PDCL2: variants seen among roughly 807,000 people sequenced by gnomAD.
PDCL2 encodes the protein phosducin like 2, also known as phosducin-like protein 2.
PDCL2 carries 23 observed loss-of-function variants against 30.3 expected under a neutral mutation model. That is an observed-to-expected ratio of 0.76 (90% CI 0.55 to 1.08). The LOEUF (loss-of-function observed/expected upper bound fraction) is 1.08, where lower values mean the gene tolerates loss of function less well. PDCL2 is among the 50% of genes least tolerant of loss of function. The pLI is 0.00. For synonymous variants in PDCL2, 68 were observed against 86.2 expected (o/e 0.79, Z 1.17); for missense variants, 243 against 282.3 (o/e 0.86, Z 1.00).
Position 55,576,179 on chromosome 4 carries a change from C to A in PDCL2, c.218+4642G>T, listed in dbSNP as rs532629377. ...CGATCTTAGCTTACTGCAACCTCTG[C>A]CTCCCAGGTTCAAGCAATTCTCACA... On this transcript the variant is annotated intron_variant, in intron 3 of 5. Transcript: ENST00000295645. Among the ~76,000 whole-genome samples, 31 of 152,224 alleles carry A rather than the reference C, an allele frequency of 2.0e-4. 1 individual carries two copies. In the South Asian group the frequency reaches 2.1e-3, roughly 10 times the overall value.
At chr4:55,577,529 C>A (rs903238706) in intron 3 of PDCL2, among the ~76,000 whole-genome samples, 2 of 152,138 alleles carry the variant, frequency 1.3e-5, no homozygotes, top group African/African-American at 4.8e-5. Context: ...GGCAACCAGC[C>A]CTCATCCTAA....
rs1731977663 is a variant in PDCL2 at position 55,556,718 on chromosome 4, TA to T, written c.572-8del. ...GCTAGCTTCCATTCAAGTTCTGTAA[TA>T]AATAACCCATCATTCAGTTAAAAAT... On this transcript the variant is annotated splice_region_variant and splice_polypyrimidine_tract_variant and intron_variant, in intron 5 of 5. Transcript: ENST00000295645. 3 of 1,524,830 alleles carry T rather than the reference TA, an allele frequency of 2.0e-6. No homozygotes were observed. Among genetic ancestry groups the T allele is most frequent in the Non-Finnish European group, 2.6e-6 (3 of 1,136,962 alleles). The allele number at this position is 1,524,830 out of a possible 1,614,324, so 94.5% of individuals were successfully genotyped here. A position where few individuals can be genotyped will look rare whatever the true frequency, so the allele number is the denominator to read the frequency against.
At chr4:55,576,328 G>A (rs769340447) in intron 3 of PDCL2, among the ~76,000 whole-genome samples, 6 of 152,118 alleles carry the variant, frequency 3.9e-5, no homozygotes, top group Non-Finnish European at 8.8e-5. Flanking sequence ...CCTGAACTCA[G>A]GCGATTTGCC....
chr4:55,568,302 C>T (rs530727440), intron 4 of PDCL2, among the ~76,000 whole-genome samples: 3 of 152,152 alleles, frequency 2.0e-5, no homozygotes, highest in Non-Finnish European at 4.4e-5. Flanking sequence ...TCCCCATTTA[C>T]TAGGCAAGAC....
chr4:55,578,572 CT>C (rs1052027832), intron 3 of PDCL2, among the ~76,000 whole-genome samples: 7 of 151,578 alleles, frequency 4.6e-5, no homozygotes, highest in Non-Finnish European at 7.4e-5. Context: ...GCTATTTTCC[CT>C]GATGTGTCAT....
intron 4 of PDCL2, among the ~76,000 whole-genome samples, chr4:55,565,195 T>C (rs1732230222): frequency 6.6e-6 from 1 of 152,124 alleles, no homozygotes; most frequent in Non-Finnish European, 1.5e-5. Flanking sequence ...TTTTTATATA[T>C]CTTTTAAGGT....
chr4:55,591,449 T>A (rs2899038), intron 1 of PDCL2, among the ~76,000 whole-genome samples: 1 of 152,096 alleles, frequency 6.6e-6, no homozygotes, highest in African/African-American at 2.4e-5. Flanking sequence ...AGTGCAGTGG[T>A]GCAATCTCGG....
At chr4:55,581,795 C>T (rs1035076612) in intron 2 of PDCL2, among the ~76,000 whole-genome samples, 1 of 152,190 alleles carries the variant, frequency 6.6e-6, no homozygotes, top group Non-Finnish European at 1.5e-5. Context: ...GCTCCATCTC[C>T]TAGGTTCATG....
intron 2 of PDCL2, among the ~76,000 whole-genome samples, chr4:55,581,235 CAGTGAGCTG>C (rs1356281301): frequency 8.6e-5 from 13 of 152,018 alleles, no homozygotes; most frequent in African/African-American, 2.7e-4. Flanking sequence ...GCTGAGTTTG[CAGTGAGCTG>C]AGATCGCACC....
chr4:55,582,490 T>C (rs1321792571), intron 1 of PDCL2, among the ~76,000 whole-genome samples: 3 of 152,218 alleles, frequency 2.0e-5, no homozygotes, highest in Non-Finnish European at 4.4e-5. Flanking sequence ...AAGTATCTCC[T>C]AAGTCATGGA....
chr4:55,561,859 T>C (rs145341001), intron 5 of PDCL2, among the ~76,000 whole-genome samples: 18 of 152,222 alleles, frequency 1.2e-4, no homozygotes, highest in South Asian at 2.1e-4. Flanking sequence ...TTAGATATCA[T>C]GCTAATAAGT....
chr4:55,568,320 G>A (rs1303999016), intron 4 of PDCL2, among the ~76,000 whole-genome samples: 3 of 152,156 alleles, frequency 2.0e-5, no homozygotes, highest in African/African-American at 7.2e-5. Flanking sequence ...GACTGGTGAG[G>A]CCTAGGGACA....
intron 3 of PDCL2, among the ~76,000 whole-genome samples, chr4:55,570,107 C>A (rs1732382547): frequency 6.6e-6 from 1 of 152,112 alleles, no homozygotes; most frequent in Admixed American, 6.5e-5. Context: ...GTATTTAAGA[C>A]TAGGTTTAAA....
At chr4:55,574,496 G>GA (rs1732510463) in intron 3 of PDCL2, among the ~76,000 whole-genome samples, 1 of 152,180 alleles carries the variant, frequency 6.6e-6, no homozygotes, top group South Asian at 2.1e-4. Context: ...AAAGGTTTCT[G>GA]AGATTATGTA....
chr4:55,592,194 C>A lies in PDCL2; in HGVS notation c.-85G>T, dbSNP rs1176023425. The A allele has an allele frequency of 1.3e-6, 2 of 1,567,412 alleles. No homozygotes were observed. The highest frequency in any genetic ancestry group is 8.7e-7 in the Non-Finnish European group (1 of 1,155,758). On this transcript the variant is annotated 5_prime_UTR_variant, in exon 1 of 6. Coordinates refer to ENST00000295645, the MANE Select transcript of PDCL2 (RefSeq NM_152401.3). ...ATGGAGACCCGCAGCCTTCTCCAGG[C>A]TGGAAGAGCGCCCGCTTCAGGCCCG...
intron 2 of PDCL2, 34 bp downstream of exon 2, chr4:55,582,083 C>T: frequency 6.2e-7 from 1 of 1,609,046 alleles, no homozygotes; most frequent in Non-Finnish European, 8.5e-7. Flanking sequence ...CTGTATTATT[C>T]CCATCATCCA....
rs186774820 is a variant in PDCL2 at position 55,585,452 on chromosome 4, C to T, written c.7-3215G>A. Reference sequence around the variant, plus strand: ...CTGAGGCAGGAGAATCACTTGAACCCGGGAGGCGGAGGTTGCAGTGAGCCG... The same window carrying T: ...CTGAGGCAGGAGAATCACTTGAACCTGGGAGGCGGAGGTTGCAGTGAGCCG... On this transcript the variant is annotated intron_variant, in intron 1 of 5. Coordinates refer to ENST00000295645, the MANE Select transcript of PDCL2 (RefSeq NM_152401.3). 2.2e-3 allele frequency among the ~76,000 whole-genome samples: 342 copies of T among 152,118 alleles called. 2 individuals carry two copies. The highest frequency in any genetic ancestry group is 7.6e-3 in the African/African-American group (314 of 41,496).
rs912772666 is a variant in PDCL2 at position 55,580,696 on chromosome 4, C to G, written c.218+125G>C. 9.7e-6 allele frequency: 6 copies of G among 620,070 alleles called. No individual in the cohort carries two copies. In the African/African-American group the frequency reaches 1.1e-4, roughly 12 times the overall value. The allele number at this position is 620,070 out of a possible 1,614,324, so 38.4% of individuals were successfully genotyped here. A position where few individuals can be genotyped will look rare whatever the true frequency, so the allele number is the denominator to read the frequency against. ...ATTCCACCTTATATAAAGGGAGTTT[C>G]AAAATGTTACTTAAAAATTAGTTTT... On this transcript the variant is annotated intron_variant, in intron 3 of 5. Coordinates refer to ENST00000295645, the MANE Select transcript of PDCL2 (RefSeq NM_152401.3).
Position 55,569,861 on chromosome 4 carries a change from T to C in PDCL2, c.219A>G (p.Arg73=). The change falls in exon 4 of 6, where the codon AGA becomes AGG. Residue 73 remains arginine (R), a splice_region_variant and synonymous_variant. Transcript: ENST00000295645. ...CTTTCCATTCCTGTAACCGCTTCTTTCTAATTAAAACATGAAATTAAATTA... is the reference window on the plus strand; with the variant it reads ...CTTTCCATTCCTGTAACCGCTTCTTCCTAATTAAAACATGAAATTAAATTA... ...EEDMQAVETY[R]KKRLQEWKAL... The C allele has an allele frequency of 6.7e-7, 1 of 1,497,596 alleles. No homozygotes were observed. Among genetic ancestry groups the C allele is most frequent in the African/African-American group, 1.4e-5 (1 of 71,256 alleles). The allele number at this position is 1,497,596 out of a possible 1,614,324, so 92.8% of individuals were successfully genotyped here.
Sources: allele counts gnomAD v4.1 joint callset (sites outside exome capture counted in the v4.1 genomes callset), GRCh38; gene constraint gnomAD v4.1.1; transcripts MANE v1.5; gene names NCBI Gene and HGNC (gene_info 2026-07-23, HGNC 2026-07-21).